The following ACAP3 variants were observed in gnomAD, a reference collection of about 807,000 sequenced individuals.
The protein encoded by ACAP3 is ArfGAP with coiled-coil, ankyrin repeat and PH domains 3.
ACAP3 carries 56 observed loss-of-function variants against 104.1 expected under a neutral mutation model. The ratio of observed to expected loss-of-function variants is 0.54; its 90% CI spans 0.43 to 0.67. The LOEUF is 0.67. ACAP3 is among the 30% of genes least tolerant of loss of function. The pLI, the probability that ACAP3 is intolerant of heterozygous loss-of-function variation, is 0.00. For synonymous variants in ACAP3, 628 were observed against 496.2 expected, an observed-to-expected ratio of 1.27 and a Z score of -3.53; for missense variants, 1,208 against 1,174.9, an observed-to-expected ratio of 1.03 and a Z score of -0.41.
intron 19 of ACAP3, chr1:1,295,085 C>A: frequency 1.8e-6 from 1 of 560,498 alleles, no homozygotes; most frequent in South Asian, 2.3e-5. Context: ...CCGGCACCCC[C>A]CGCAGTGGGC....
In ACAP3 at chr1:1,302,892, G is replaced by A. The variant is rs934433002; in HGVS notation, c.279+30C>T. 13 of 1,603,120 alleles carry A rather than the reference G, an allele frequency of 8.1e-6. No individual in the cohort carries two copies. In the African/African-American group the frequency reaches 1.4e-4, roughly 17 times the overall value. On this transcript the variant is annotated intron_variant, in intron 4 of 23. Coordinates refer to ENST00000354700, the MANE Select transcript of ACAP3 (RefSeq NM_030649.3). ...GCAGCTCGGTTCCAGGCCAGGCACA[G>A]CCCACAGGTGGCAGGGAGGCCGCGC...
Position 1,294,575 on chromosome 1 carries a change from C to T in ACAP3, c.1966G>A (p.Glu656Lys), listed in dbSNP as rs866469268. 1.3e-6 allele frequency: 2 copies of T among 1,511,326 alleles called. No individual in the cohort carries two copies. Among genetic ancestry groups the T allele is most frequent in the South Asian group, 1.3e-5 (1 of 79,474 alleles). 93.6% of individuals were successfully genotyped at this position (1,511,326 alleles called of 1,614,324 possible). Reference protein sequence around the residue: ...SGEADGDTEAEAWGLADVREL... With the variant: ...SGEADGDTEAKAWGLADVREL... ...CGCACGTCCGCCAGGCCCCAGGCCT[C>T]GGCCTCAGTGTCCCCGTCTGCCTCA... Residue 656 changes from glutamate (E) to lysine (K), a missense_variant, in exon 21 of 24, where the codon GAG becomes AAG. Glu to Lys is a moderately conservative substitution (Grantham distance 56, BLOSUM62 1). Coordinates refer to ENST00000354700, the MANE Select transcript of ACAP3 (RefSeq NM_030649.3).
rs1376933596 is a variant in ACAP3, at chr1:1,292,771, G to A, written c.*793C>T. The A allele has an allele frequency of 6.6e-6, 1 of 152,342 alleles. No homozygotes were observed. Among genetic ancestry groups the A allele is most frequent in the African/African-American group, 2.4e-5 (1 of 41,460 alleles). The allele number at this position is 152,342 out of a possible 1,614,324, so 9.4% of individuals were successfully genotyped here. On this transcript the variant is annotated 3_prime_UTR_variant, in exon 24 of 24. Coordinates refer to ENST00000354700, the MANE Select transcript of ACAP3 (RefSeq NM_030649.3). Reference sequence around the variant, plus strand: ...TGGTCAGGGGCAGGGCTGGGGCTCAGGCGTCCTCAAGAGTCCACAGAGAAA... The same window carrying A: ...TGGTCAGGGGCAGGGCTGGGGCTCAAGCGTCCTCAAGAGTCCACAGAGAAA...
chr1:1,304,555 A>T, intron 1 of ACAP3: 1 of 253,048 alleles, frequency 4.0e-6, no homozygotes, highest in Non-Finnish European at 7.8e-6. Context: ...GCACTACTGC[A>T]GCCCATCCAG....
chr1:1,299,354 C>G lies in ACAP3; in HGVS notation c.741G>C (p.Thr247=). 2.5e-6 allele frequency: 4 copies of G among 1,576,238 alleles called. No individual in the cohort carries two copies. The highest frequency in any genetic ancestry group is 2.3e-5 in the East Asian group (1 of 43,592). Residue 247 remains threonine, a splice_region_variant and synonymous_variant, in exon 10 of 24, where the codon ACG becomes ACC. Coordinates refer to ENST00000354700, the MANE Select transcript of ACAP3 (RefSeq NM_030649.3). ...GCCCGTGCTCACTTACCTGCAGCAG[C>G]GTCTGGAGGGCCGGAGCAGGAGGGG... ...ERKHAAIQQR[T]LLQDFSYDES...
chr1:1,307,120 TCCA>T (rs1211932287), intron 1 of ACAP3: 3 of 1,211,626 alleles, frequency 2.5e-6, no homozygotes, highest in East Asian at 5.7e-5. Context: ...TTGCCAAATG[TCCA>T]CCAAGCAAAG....
Position 1,294,558 on chromosome 1 carries a change from C to G in ACAP3, c.1983G>C (p.Ala661=). 4 of 1,502,768 alleles carry G rather than the reference C, an allele frequency of 2.7e-6. No individual in the cohort carries two copies. In the South Asian group the frequency reaches 3.8e-5, roughly 14 times the overall value. The allele number at this position is 1,502,768 out of a possible 1,614,324, so 93.1% of individuals were successfully genotyped here. A position where few individuals can be genotyped will look rare whatever the true frequency, so the allele number is the denominator to read the frequency against. The change falls in exon 21 of 24, where the codon GCG becomes GCC. Residue 661 remains alanine (A), a synonymous_variant. Transcript: ENST00000354700. ...GCCCCGGGTGCAGCTCGCGCACGTC[C>G]GCCAGGCCCCAGGCCTCGGCCTCAG... ...GDTEAEAWGL[A]DVRELHPGLL...
chr1:1,293,911 G>A lies in ACAP3; in HGVS notation c.2272C>T (p.Arg758Trp). Reference sequence around the variant, plus strand: ...TCCAGGGCGTGCTGGTCCGCGCCCCGCTTCAGGAACAGGCAAACCTGGCTG... The same window carrying A: ...TCCAGGGCGTGCTGGTCCGCGCCCCACTTCAGGAACAGGCAAACCTGGCTG... ...RTGQVCLFLK[R>W]GADQHALDQE... Residue 758 changes from arginine (R) to tryptophan (W), a missense_variant, in exon 23 of 24, where the codon CGG (arginine) becomes TGG (tryptophan). Arg to Trp is a moderately radical substitution (Grantham distance 101). Transcript: ENST00000354700. The A allele has an allele frequency of 6.3e-7, 1 of 1,579,602 alleles. No individual in the cohort carries two copies. The highest frequency in any genetic ancestry group is 8.6e-7 in the Non-Finnish European group (1 of 1,165,588).
chr1:1,304,369 C>A, intron 1 of ACAP3: 1 of 607,284 alleles, frequency 1.6e-6, no homozygotes, highest in Admixed American at 2.9e-5. Context: ...CTGCTGTGCC[C>A]TCGGGGAAGA....
At chr1:1,297,788 C>T (rs1489750682) in intron 14 of ACAP3, 34 bp downstream of exon 14, 2 of 1,597,852 alleles carry the variant, frequency 1.3e-6, no homozygotes, top group Non-Finnish European at 1.7e-6. Flanking sequence ...CGTGTGTGTG[C>T]ACGGGCTTGG....
rs571661661 is a variant in ACAP3, at chr1:1,301,839, G to C, written c.338+149C>G. On this transcript the variant is annotated intron_variant, in intron 5 of 23. Coordinates refer to ENST00000354700, the MANE Select transcript of ACAP3 (RefSeq NM_030649.3). ...GGAACCCCCCGCACTCCACCCGGCT[G>C]TCTGCCTCTGAGCCTTCTGCCTTGT... 13 of 680,654 alleles carry C rather than the reference G, an allele frequency of 1.9e-5. No individual in the cohort carries two copies. In the South Asian group the frequency reaches 4.1e-4, roughly 22 times the overall value. The allele number at this position is 680,654 out of a possible 1,614,324, so 42.2% of individuals were successfully genotyped here.
chr1:1,307,020 G>T, intron 1 of ACAP3: 1 of 511,864 alleles, frequency 2.0e-6, no homozygotes, highest in Non-Finnish European at 3.6e-6. Context: ...GTTCACAAGA[G>T]CGCACCCCGC....
At chr1:1,300,234 G>A (rs375828016) in intron 6 of ACAP3, 32 bp from the exon 7 acceptor site, 123 of 1,576,570 alleles carry the variant, frequency 7.8e-5, no homozygotes, top group Non-Finnish European at 9.7e-5. Flanking sequence ...GGTGAGCCCC[G>A]GAGGCTGAGG....
chr1:1,297,078 G>A, intron 14 of ACAP3, among the ~76,000 whole-genome samples: 1 of 152,304 alleles, frequency 6.6e-6, no homozygotes, highest in South Asian at 2.1e-4. Flanking sequence ...CACGTGTGTG[G>A]GGCAGGGGCC....
chr1:1,296,830 C>G (rs1006246000), intron 14 of ACAP3, among the ~76,000 whole-genome samples, 197 bp from the exon 15 acceptor site: 1 of 147,620 alleles, frequency 6.8e-6, no homozygotes, highest in East Asian at 1.9e-4. Flanking sequence ...CACGCACACA[C>G]GCGCACACCC....
Position 1,295,727 on chromosome 1 carries a change from G to A in ACAP3, c.1705+9C>T, listed in dbSNP as rs750514625. 6.3e-7 allele frequency: 1 copy of A among 1,592,482 alleles called. No homozygotes were observed. Among genetic ancestry groups the A allele is most frequent in the South Asian group, 1.1e-5 (1 of 90,242 alleles). ...CCCCTCCCAGCCCTGCCGGGGCATG[G>A]CCTCCCACCTGAGGACAGAGCGGCC... is the stretch of plus-strand genomic sequence containing the variant. On this transcript the variant is annotated intron_variant, in intron 18 of 23. Transcript: ENST00000354700.
intron 1 of ACAP3, among the ~76,000 whole-genome samples, chr1:1,306,541 G>A (rs1252837664): frequency 6.6e-6 from 1 of 152,164 alleles, no homozygotes; most frequent in Non-Finnish European, 1.5e-5. Flanking sequence ...CTCCTGGCTG[G>A]CCCTGAGCCT....
intron 14 of ACAP3, among the ~76,000 whole-genome samples, chr1:1,297,194 C>T (rs1211493262): frequency 1.6e-5 from 2 of 125,260 alleles, no homozygotes; most frequent in African/African-American, 8.2e-5. Flanking sequence ...CCCAGTGGCA[C>T]GTGTGTGTGT....
At chr1:1,299,112 C>T (rs1641328240) in intron 10 of ACAP3, 4 of 595,272 alleles carry the variant, frequency 6.7e-6, no homozygotes, top group South Asian at 4.2e-5. Flanking sequence ...AGGGGAGGGG[C>T]GGCCACCTGC....
Sources: allele counts gnomAD v4.1 joint callset (sites outside exome capture counted in the v4.1 genomes callset), GRCh38; gene constraint gnomAD v4.1.1; transcripts MANE v1.5; gene names NCBI Gene and HGNC (gene_info 2026-07-23, HGNC 2026-07-21).